Variants in FXYD6 observed in about 807,000 individuals in gnomAD.
FXYD6 encodes the protein FXYD domain containing ion transport regulator 6, also known as FXYD domain-containing ion transport regulator 6.
A neutral mutation model predicts 16.7 loss-of-function variants in FXYD6; 7 were observed. That is an observed-to-expected ratio of 0.42 (90% CI 0.24 to 0.79). The LOEUF is 0.79. FXYD6 is among the 30% of genes least tolerant of loss of function. The pLI is 0.28. For missense variants in FXYD6, 111 were observed against 116.2 expected (o/e 0.95, Z 0.21); for synonymous variants, 49 against 43.0 (o/e 1.14, Z -0.54).
At chr11:117,858,471 C>G (rs1400117295) in intron 1 of FXYD6, among the ~76,000 whole-genome samples, 2 of 152,036 alleles carry the variant, frequency 1.3e-5, no homozygotes. Flanking sequence ...TAACCACCAG[C>G]TTGGAAACAG....
chr11:117,851,789 G>A (rs1188507070), intron 1 of FXYD6, among the ~76,000 whole-genome samples: 1 of 152,154 alleles, frequency 6.6e-6, no homozygotes, highest in African/African-American at 2.4e-5. Context: ...GAGACCCTAC[G>A]GCGATCCCCA....
intron 1 of FXYD6, among the ~76,000 whole-genome samples, chr11:117,855,408 CT>C (rs2056702594): frequency 6.6e-6 from 1 of 152,142 alleles, no homozygotes; most frequent in South Asian, 2.1e-4. Context: ...GGCACTGCCC[CT>C]GAGTCGAGTG....
rs1423996127 is a variant in FXYD6 at position 117,837,225 on chromosome 11, C to T, written c.*1074G>A. 2.0e-5 allele frequency: 3 copies of T among 152,192 alleles called. No individual in the cohort carries two copies. The highest frequency in any genetic ancestry group is 4.4e-5 in the Non-Finnish European group (3 of 68,058). 9.4% of individuals were successfully genotyped at this position (152,192 alleles called of 1,614,324 possible). A position where few individuals can be genotyped will look rare whatever the true frequency, so the allele number is the denominator to read the frequency against. On this transcript the variant is annotated 3_prime_UTR_variant, in exon 8 of 8. Transcript: ENST00000526014. This position sits in a 1 kb window ranked among gnomAD's most constrained non-coding sequence, Gnocchi z 4.4. ...CCTCGCTCACCGCTCTGACCACTGA[C>T]AGGCAGAGCAAAGGATGCGGGAGTT...
At chr11:117,865,795 T>C (rs1204920188) in intron 1 of FXYD6, among the ~76,000 whole-genome samples, 1 of 152,064 alleles carries the variant, frequency 6.6e-6, no homozygotes, top group African/African-American at 2.4e-5. Flanking sequence ...GGCGTGGTGG[T>C]GCGCGCCTGT....
intron 1 of FXYD6, among the ~76,000 whole-genome samples, chr11:117,863,346 GA>G (rs538692123): frequency 2.0e-5 from 3 of 151,220 alleles, no homozygotes; most frequent in Non-Finnish European, 4.4e-5. Context: ...AAAACGGAGG[GA>G]AAAAAAACCA....
At position 117,874,874 on chromosome 11, in the gene FXYD6, C is replaced by A. The variant is rs186460147; in HGVS notation, c.-6+1718G>T. 2.3e-3 allele frequency among the ~76,000 whole-genome samples: 344 copies of A among 152,372 alleles called. 2 individuals carry two copies. Among genetic ancestry groups the A allele is most frequent in the African/African-American group, 7.8e-3 (325 of 41,598 alleles). On this transcript the variant is annotated intron_variant, in intron 1 of 7. Coordinates refer to ENST00000526014, the MANE Select transcript of FXYD6 (RefSeq NM_022003.4). ...AGGGCTGCGCCCACTCTTTATCCAA[C>A]CTTCCCTTCCAGGTTTAGGGAAGGG...
intron 1 of FXYD6, among the ~76,000 whole-genome samples, chr11:117,864,366 T>G (rs1189892960): frequency 6.6e-6 from 1 of 152,198 alleles, no homozygotes; most frequent in Non-Finnish European, 1.5e-5. Flanking sequence ...AACAAGTAAG[T>G]GCCAGGAAAA....
In FXYD6 at chr11:117,838,283, G is replaced by A. The variant is rs1202329995; in HGVS notation, c.*22-6C>T. 3 of 702,564 alleles carry A rather than the reference G, an allele frequency of 4.3e-6. No individual in the cohort carries two copies. The highest frequency in any genetic ancestry group is 1.5e-5 in the South Asian group (1 of 67,604). The allele number at this position is 702,564 out of a possible 1,614,324, so 43.5% of individuals were successfully genotyped here. A position where few individuals can be genotyped will look rare whatever the true frequency, so the allele number is the denominator to read the frequency against. Reference sequence around the variant, plus strand: ...GCCGCCTCAGGTTCCAGAGGCTGAGGAGGAGGATAATTTAAATTAAAAACA... The same window carrying A: ...GCCGCCTCAGGTTCCAGAGGCTGAGAAGGAGGATAATTTAAATTAAAAACA... On this transcript the variant is annotated splice_region_variant and splice_polypyrimidine_tract_variant and intron_variant, in intron 7 of 7. Transcript: ENST00000526014.
intron 1 of FXYD6, among the ~76,000 whole-genome samples, chr11:117,856,950 G>C (rs1309770689): frequency 1.3e-5 from 2 of 152,192 alleles, no homozygotes; most frequent in African/African-American, 4.8e-5. Context: ...GGCAGAACAG[G>C]GCTGGCAGAG....
At chr11:117,876,767 T>C, upstream of FXYD6, 1 of 145,902 alleles carries the variant, frequency 6.9e-6, no homozygotes, top group South Asian at 2.2e-4. Context: ...GGGGGGGGGC[T>C]CGCTCGGGGC....
intron 5 of FXYD6, 140 bp downstream of exon 5, chr11:117,841,008 C>T: frequency 9.0e-7 from 1 of 1,110,008 alleles, no homozygotes; most frequent in Non-Finnish European, 1.3e-6. Context: ...CCTCAAACTT[C>T]CAGCCCTACG....
Position 117,858,695 on chromosome 11 carries a change from CTT to C in FXYD6, c.-5-15916_-5-15915del, listed in dbSNP as rs1324991552. 1.5e-3 allele frequency among the ~76,000 whole-genome samples: 123 copies of C among 80,410 alleles called. 3 individuals are homozygous for C. Among genetic ancestry groups the C allele is most frequent in the East Asian group, 0.01 (19 of 1,818 alleles). 52.8% of individuals were successfully genotyped at this position (80,410 alleles called of 152,430 possible). A position where few individuals can be genotyped will look rare whatever the true frequency, so the allele number is the denominator to read the frequency against. ...TCTTTCTTTCTTTCTTTCTTTCTTTCTTTCTTTCTCTCTCTCTCTCCTTCCTT... is the reference window on the plus strand; with the variant it reads ...TCTTTCTTTCTTTCTTTCTTTCTTTCTCTTTCTCTCTCTCTCTCCTTCCTT... On this transcript the variant is annotated intron_variant, in intron 1 of 7. Coordinates refer to ENST00000526014, the MANE Select transcript of FXYD6 (RefSeq NM_022003.4).
At chr11:117,853,919 C>T (rs2056666273) in intron 1 of FXYD6, among the ~76,000 whole-genome samples, 1 of 152,044 alleles carries the variant, frequency 6.6e-6, no homozygotes, top group Non-Finnish European at 1.5e-5. Flanking sequence ...AATAGTAAAC[C>T]TGGGATTAAT....
chr11:117,845,267 C>T (rs996166690), intron 1 of FXYD6, among the ~76,000 whole-genome samples: 1 of 152,200 alleles, frequency 6.6e-6, no homozygotes, highest in African/African-American at 2.4e-5. Flanking sequence ...CTGTGTCTGG[C>T]TTTCAAGTTA....
At chr11:117,855,842 G>A (rs921847032) in intron 1 of FXYD6, among the ~76,000 whole-genome samples, 1 of 152,198 alleles carries the variant, frequency 6.6e-6, no homozygotes, top group African/African-American at 2.4e-5. Context: ...CACTGCTGGA[G>A]TGGGGGACTC....
chr11:117,865,876 C>T (rs964003978), intron 1 of FXYD6, among the ~76,000 whole-genome samples: 1 of 151,656 alleles, frequency 6.6e-6, no homozygotes. Flanking sequence ...GCAGTGAGAT[C>T]GTGCCATTGC....
chr11:117,859,045 G>A (rs376060706), intron 1 of FXYD6, among the ~76,000 whole-genome samples: 2 of 152,206 alleles, frequency 1.3e-5, no homozygotes, highest in East Asian at 3.9e-4. Context: ...CAAAGTGCTG[G>A]GATTACAGAT....
chr11:117,841,911 G>A (rs1432891894), intron 3 of FXYD6, 46 bp from the exon 4 acceptor site: 1 of 1,613,914 alleles, frequency 6.2e-7, no homozygotes, highest in Non-Finnish European at 8.5e-7. Context: ...CAGGGAGAGG[G>A]TGTCTGTTCC....
In FXYD6 at chr11:117,837,283, G is replaced by A. The variant is rs772399123; in HGVS notation, c.*1016C>T. 1 of 152,278 alleles carries A rather than the reference G, an allele frequency of 6.6e-6. No individual in the cohort carries two copies. The highest frequency in any genetic ancestry group is 6.5e-5 in the Admixed American group (1 of 15,274). 9.4% of individuals were successfully genotyped at this position (152,278 alleles called of 1,614,324 possible). A position where few individuals can be genotyped will look rare whatever the true frequency, so the allele number is the denominator to read the frequency against. ...CTGCCCATCTAAGGGGACGTAGGCAGAGAAGCAAAGGCCTCTGCTCTCCCT... is the reference window on the plus strand; with the variant it reads ...CTGCCCATCTAAGGGGACGTAGGCAAAGAAGCAAAGGCCTCTGCTCTCCCT... On this transcript the variant is annotated 3_prime_UTR_variant, in exon 8 of 8. Coordinates refer to ENST00000526014, the MANE Select transcript of FXYD6 (RefSeq NM_022003.4). This position sits in a 1 kb window ranked among gnomAD's most constrained non-coding sequence, Gnocchi z 4.4.
Sources: gnomAD v4.1 joint callset for allele counts (sites outside exome capture counted in the v4.1 genomes callset) on GRCh38, gnomAD v4.1.1 for gene constraint, Gnocchi (gnomAD v3.1) non-coding constraint, MANE v1.5 for transcripts, NCBI Gene and HGNC (gene_info 2026-07-23, HGNC 2026-07-21) for gene names.